Variants in ENTHD1 observed in about 807,000 individuals in gnomAD.
ENTHD1 encodes the protein ENTH domain-containing protein 1.
Under a neutral mutation model 39.1 loss-of-function variants are expected in ENTHD1, and 23 were observed. That is an observed-to-expected ratio of 0.59 (90% CI 0.42 to 0.83). The LOEUF is 0.83. ENTHD1 is among the 40% of genes least tolerant of loss of function. The pLI is 0.00. For missense variants in ENTHD1, 624 were observed against 705.4 expected, an observed-to-expected ratio of 0.88 and a Z score of 1.31; for synonymous variants, 230 against 258.2, an observed-to-expected ratio of 0.89 and a Z score of 1.05.
chr22:39,847,885 AT>A (rs1201905068), intron 3 of ENTHD1, among the ~76,000 whole-genome samples: 1 of 152,252 alleles, frequency 6.6e-6, no homozygotes, highest in East Asian at 1.9e-4. Context: ...ACCATTTATT[AT>A]CTCGCAGTTC....
chr22:39,840,198 C>G (rs895797478), intron 3 of ENTHD1, among the ~76,000 whole-genome samples: 2 of 152,178 alleles, frequency 1.3e-5, no homozygotes, highest in African/African-American at 4.8e-5. Context: ...CCAGTGAAGA[C>G]TAGTATGTGA....
intron 1 of ENTHD1, among the ~76,000 whole-genome samples, chr22:39,890,557 T>G (rs1447154694): frequency 6.6e-6 from 1 of 152,134 alleles, no homozygotes; most frequent in East Asian, 1.9e-4. Context: ...TGGATAGCTA[T>G]CTATCTATAT....
chr22:39,773,258 T>C (rs2065341861), intron 5 of ENTHD1, among the ~76,000 whole-genome samples: 1 of 151,912 alleles, frequency 6.6e-6, no homozygotes, highest in African/African-American at 2.4e-5. Flanking sequence ...AGCGGGGATC[T>C]AGAAGACTTA....
chr22:39,778,149 T>C (rs2065379935), intron 5 of ENTHD1, among the ~76,000 whole-genome samples: 1 of 152,186 alleles, frequency 6.6e-6, no homozygotes, highest in Non-Finnish European at 1.5e-5. Context: ...GCAAACTCTA[T>C]TTAGTCATGG....
chr22:39,850,967 ATCTT>A (rs2066031941), intron 3 of ENTHD1, among the ~76,000 whole-genome samples: 1 of 152,202 alleles, frequency 6.6e-6, no homozygotes, highest in Non-Finnish European at 1.5e-5. Flanking sequence ...ATTTTCAACT[ATCTT>A]TCTGGAATAA....
At chr22:39,825,974 C>T (rs1053010576) in intron 4 of ENTHD1, among the ~76,000 whole-genome samples, 1 of 152,182 alleles carries the variant, frequency 6.6e-6, no homozygotes, top group Non-Finnish European at 1.5e-5. Context: ...CTCCCAGGTT[C>T]GAGTGATTCT....
chr22:39,791,414 G>A (rs908437215), intron 5 of ENTHD1, among the ~76,000 whole-genome samples: 1 of 151,104 alleles, frequency 6.6e-6, no homozygotes, highest in Non-Finnish European at 1.5e-5. Context: ...TTTTTGTGGG[G>A]GGAACAGTCT....
rs1004003463 is a variant in ENTHD1 at position 39,886,241 on chromosome 22, A to G, written c.349+1159T>C. Among the ~76,000 whole-genome samples, 43 of 152,206 alleles carry G rather than the reference A, an allele frequency of 2.8e-4. 1 individual carries two copies. The highest frequency in any genetic ancestry group is 1.5e-5 in the Non-Finnish European group (1 of 68,034). ...TAGAGATGATAAAAAGACCAGTGGT[A>G]GCCAGGGATTCAAGAGGAGAGGAAA... On this transcript the variant is annotated intron_variant, in intron 2 of 6. Coordinates refer to ENST00000325157, the MANE Select transcript of ENTHD1 (RefSeq NM_152512.4).
At chr22:39,858,646 C>A (rs1420880743) in intron 3 of ENTHD1, among the ~76,000 whole-genome samples, 2 of 152,166 alleles carry the variant, frequency 1.3e-5, no homozygotes, top group South Asian at 2.1e-4. Context: ...CTCCTTGATC[C>A]ATGGGCTGAA....
chr22:39,762,293 A>G (rs771915951), intron 6 of ENTHD1, among the ~76,000 whole-genome samples: 31 of 152,144 alleles, frequency 2.0e-4, no homozygotes, highest in Middle Eastern at 3.2e-3. Context: ...TTTCATTGAT[A>G]ACTTTCCAGC....
intron 5 of ENTHD1, among the ~76,000 whole-genome samples, chr22:39,795,587 C>T (rs951554859): frequency 6.9e-6 from 1 of 145,036 alleles, no homozygotes; most frequent in African/African-American, 2.6e-5. Flanking sequence ...GCCACCATGC[C>T]TGGCTAATTT....
intron 2 of ENTHD1, among the ~76,000 whole-genome samples, chr22:39,886,906 T>G (rs1273948427): frequency 3.3e-5 from 5 of 152,246 alleles, no homozygotes; most frequent in Admixed American, 2.0e-4. Context: ...TTAATTATAA[T>G]TATAAATTAC....
intron 3 of ENTHD1, among the ~76,000 whole-genome samples, chr22:39,855,703 G>T (rs1399235466): frequency 6.6e-6 from 1 of 152,130 alleles, no homozygotes; most frequent in African/African-American, 2.4e-5. Flanking sequence ...AAGCAGCAAT[G>T]AATCAAAAAG....
At chr22:39,798,420 A>C (rs1010595864) in intron 5 of ENTHD1, among the ~76,000 whole-genome samples, 3 of 151,988 alleles carry the variant, frequency 2.0e-5, no homozygotes, top group Non-Finnish European at 4.4e-5. Context: ...GGATGTATCT[A>C]TGGTGTTGGT....
intron 5 of ENTHD1, among the ~76,000 whole-genome samples, chr22:39,797,624 G>T (rs1422843210): frequency 2.6e-5 from 4 of 152,044 alleles, no homozygotes; most frequent in African/African-American, 9.7e-5. Context: ...TTGTAGGGTT[G>T]GTCTAGTGGT....
At chr22:39,752,437 A>G (rs913332564) in intron 6 of ENTHD1, among the ~76,000 whole-genome samples, 2 of 152,230 alleles carry the variant, frequency 1.3e-5, no homozygotes, top group African/African-American at 4.8e-5. Context: ...TAATGAGTGT[A>G]GGACTTCTAG....
chr22:39,881,384 C>T (rs2066336892), intron 2 of ENTHD1, among the ~76,000 whole-genome samples: 1 of 152,020 alleles, frequency 6.6e-6, no homozygotes, highest in African/African-American at 2.4e-5. Context: ...TGCTTAAATT[C>T]AGAGATATAT....
At chr22:39,837,048 T>C (rs557717003) in intron 3 of ENTHD1, among the ~76,000 whole-genome samples, 1 of 152,352 alleles carries the variant, frequency 6.6e-6, no homozygotes, top group East Asian at 1.9e-4. Context: ...TATTTCTGTT[T>C]ATATCTTTTT....
intron 5 of ENTHD1, among the ~76,000 whole-genome samples, chr22:39,791,409 G>C (rs1292789903): frequency 6.6e-6 from 1 of 151,124 alleles, no homozygotes; most frequent in Non-Finnish European, 1.5e-5. Flanking sequence ...TAATTTTTTT[G>C]TGGGGGGAAC....
Sources: gnomAD v4.1 joint callset for allele counts (sites outside exome capture counted in the v4.1 genomes callset) on GRCh38, gnomAD v4.1.1 for gene constraint, MANE v1.5 for transcripts, NCBI Gene and HGNC (gene_info 2026-07-23, HGNC 2026-07-21) for gene names.